The following LRCH2 variants were observed in gnomAD, a reference collection of about 807,000 sequenced individuals.
LRCH2 encodes leucine-rich repeat and calponin homology domain-containing protein 2.
Under a neutral mutation model 68.9 loss-of-function variants are expected in LRCH2, and 38 were observed. The observed-to-expected ratio is 0.55, with a 90% CI of 0.43 to 0.72. The LOEUF (loss-of-function observed/expected upper bound fraction) is 0.72. LRCH2 is among the 30% of genes least tolerant of loss of function. The pLI is 0.00. For missense variants in LRCH2, 528 were observed against 572.9 expected (o/e 0.92, Z 0.80); for synonymous variants, 191 against 208.1 (o/e 0.92, Z 0.71).
rs377044805 is a variant in LRCH2, at chrX:115,174,132, T to C, written c.865-3700A>G. ...CCCTAACCCTCATGTTGTTCAAGGA[T>C]CAACTGTATTATACATTGTGAAATG... is the stretch of plus-strand genomic sequence containing the variant. On this transcript the variant is annotated intron_variant, in intron 5 of 20. Transcript: ENST00000317135. Among the ~76,000 whole-genome samples the C allele has an allele frequency of 5.8e-4, 65 of 111,279 alleles. 1 individual carries two copies. The East Asian group carries it at 0.018, about 31-fold the overall frequency.
intron 14 of LRCH2, among the ~76,000 whole-genome samples, chrX:115,142,838 A>T (rs1342626702): frequency 8.9e-6 from 1 of 111,813 alleles, no homozygotes; most frequent in Non-Finnish European, 1.9e-5. Context: ...CATGGCTCAC[A>T]CCTGTAATCC....
intron 1 of LRCH2, among the ~76,000 whole-genome samples, chrX:115,218,505 C>T (rs1422248653): frequency 1.8e-5 from 2 of 112,798 alleles, no homozygotes; most frequent in East Asian, 2.8e-4. Context: ...TGATTGGTTG[C>T]TTTCTGTAAC....
At chrX:115,158,934 G>A (rs994686025) in intron 11 of LRCH2, among the ~76,000 whole-genome samples, 2 of 111,754 alleles carry the variant, frequency 1.8e-5, no homozygotes, top group African/African-American at 6.5e-5. Context: ...TAACATAAAT[G>A]AGTAAGACTC....
chrX:115,121,720 C>T (rs1407064931), intron 20 of LRCH2, among the ~76,000 whole-genome samples: 1 of 112,208 alleles, frequency 8.9e-6, no homozygotes, highest in Non-Finnish European at 1.9e-5. Context: ...AATTAGAGAA[C>T]ATTATGTAAT....
chrX:115,138,106 C>G (rs1556532610), intron 14 of LRCH2, among the ~76,000 whole-genome samples: 1 of 107,468 alleles, frequency 9.3e-6, no homozygotes, highest in Non-Finnish European at 1.9e-5. Flanking sequence ...TCCAGGCCCC[C>G]CTTTCTTCGC....
intron 20 of LRCH2, among the ~76,000 whole-genome samples, chrX:115,121,171 T>TAATAAATA (rs781822005): frequency 1.7e-4 from 18 of 107,743 alleles, no homozygotes; most frequent in African/African-American, 5.4e-4. Context: ...TAAAGTATAA[T>TAATAAATA]AATAAATAAA....
At position 115,192,196 on chromosome X, in the gene LRCH2, C is replaced by G. The variant is rs1556560946; in HGVS notation, c.350-3826G>C. ...AGGCTGCTACGAGGAATACCAAGGCCGCTCGCCCAATGCCTACGGCGGGGG... is the reference window on the plus strand; with the variant it reads ...AGGCTGCTACGAGGAATACCAAGGCGGCTCGCCCAATGCCTACGGCGGGGG... On this transcript the variant is annotated intron_variant, in intron 1 of 20. Coordinates refer to ENST00000317135, the MANE Select transcript of LRCH2 (RefSeq NM_020871.4). 2.1e-5 allele frequency: 25 copies of G among 1,165,568 alleles called. No individual in the cohort carries two copies. The South Asian group carries it at 4.2e-4, about 19-fold the overall frequency.
At chrX:115,179,797 TAC>T (rs2072678006) in intron 3 of LRCH2, 46 bp from the exon 4 acceptor site, 1 of 584,410 alleles carries the variant, frequency 1.7e-6, no homozygotes, top group Admixed American at 5.4e-5. Context: ...AACTGAGAAA[TAC>T]ATATATTATA....
intron 1 of LRCH2, among the ~76,000 whole-genome samples, chrX:115,224,994 T>C (rs1353188787): frequency 2.7e-5 from 3 of 111,976 alleles, no homozygotes; most frequent in African/African-American, 9.8e-5. Context: ...TAGCAAGGCC[T>C]GTCTGCCTAT....
chrX:115,118,233 GT>G (rs1556524707), intron 20 of LRCH2, among the ~76,000 whole-genome samples: 2 of 109,211 alleles, frequency 1.8e-5, no homozygotes, highest in Non-Finnish European at 3.8e-5. Context: ...CCAGGAGCTG[GT>G]TTTTTGAAAG....
At chrX:115,150,194 G>T in intron 12 of LRCH2, 124 bp from the exon 13 acceptor site, 1 of 519,630 alleles carries the variant, frequency 1.9e-6, no homozygotes, top group Non-Finnish European at 2.9e-6. Context: ...TCTACACTTT[G>T]GCCTAACAAC....
intron 1 of LRCH2, among the ~76,000 whole-genome samples, chrX:115,203,308 A>G (rs1218429872): frequency 1.8e-5 from 2 of 111,955 alleles, no homozygotes; most frequent in Non-Finnish European, 3.8e-5. Context: ...TCAATATGAG[A>G]CTTGAGTGGG....
At chrX:115,210,447 T>C (rs139846076) in intron 1 of LRCH2, among the ~76,000 whole-genome samples, 1 of 112,379 alleles carries the variant, frequency 8.9e-6, no homozygotes, top group African/African-American at 3.2e-5. Flanking sequence ...AAGTCAAGAA[T>C]TGAGGTTTGG....
chrX:115,157,322 T>A (rs996913557), intron 11 of LRCH2, among the ~76,000 whole-genome samples: 1 of 110,746 alleles, frequency 9.0e-6, no homozygotes, highest in African/African-American at 3.3e-5. Flanking sequence ...AAATATAATT[T>A]TCACTTTTAA....
chrX:115,123,216 C>T, intron 17 of LRCH2, 24 bp from the exon 18 acceptor site: 7 of 1,148,041 alleles, frequency 6.1e-6, no homozygotes, highest in Non-Finnish European at 8.3e-6. Flanking sequence ...AATTTCCTAA[C>T]TTGTTACAAA....
chrX:115,168,109 G>T (rs1158786905), intron 6 of LRCH2, among the ~76,000 whole-genome samples: 2 of 111,485 alleles, frequency 1.8e-5, no homozygotes, highest in Non-Finnish European at 3.8e-5. Context: ...TCATAAAAGG[G>T]CTTCAAAGCC....
chrX:115,116,300 C>T (rs2072081990), intron 20 of LRCH2, among the ~76,000 whole-genome samples: 1 of 111,238 alleles, frequency 9.0e-6, no homozygotes, highest in South Asian at 3.7e-4. Flanking sequence ...TGATAACAAT[C>T]CAAATGTCTA....
chrX:115,174,596 C>CA (rs1556549230), intron 5 of LRCH2, among the ~76,000 whole-genome samples: 6 of 93,264 alleles, frequency 6.4e-5, no homozygotes, highest in African/African-American at 2.5e-4. Flanking sequence ...AACACACCCC[C>CA]CCCCCCACAC....
chrX:115,170,313 C>G lies in LRCH2; in HGVS notation c.984G>C (p.Gln328His). 4.2e-6 allele frequency: 5 copies of G among 1,177,946 alleles called. No homozygotes were observed. The highest frequency in any genetic ancestry group is 5.7e-6 in the Non-Finnish European group (5 of 879,318). The part of the protein sequence containing the change: ...LPSLSKRMPS[Q>H]PLTDSMEDFY... ...TGTTACATTACCTGTCTGTGAGAGG[C>G]TGTGAGGGCATTCGTTTACTCAATG... The change falls in exon 6 of 21, where the codon CAG becomes CAC. Residue 328 changes from glutamine to histidine, a missense_variant. By Grantham distance (24) the Gln-to-His change is conservative. Transcript: ENST00000317135.
Sources: gnomAD v4.1 joint callset for allele counts (sites outside exome capture counted in the v4.1 genomes callset) on GRCh38, gnomAD v4.1.1 for gene constraint, MANE v1.5 for transcripts, NCBI Gene and HGNC (gene_info 2026-07-23, HGNC 2026-07-21) for gene names.